The following CYP39A1 variants were observed in gnomAD, a reference collection of about 807,000 sequenced individuals.
The protein encoded by CYP39A1 is 24-hydroxycholesterol 7-alpha-hydroxylase.
CYP39A1 carries 49 observed loss-of-function variants against 58.1 expected under a neutral mutation model. The observed-to-expected ratio is 0.84, with a 90% CI of 0.67 to 1.07. The LOEUF is 1.07. CYP39A1 is among the 50% of genes least tolerant of loss of function. The probability of loss-of-function intolerance (pLI) is 0.00; values close to 1 mark genes in which losing one functional copy is unlikely to be tolerated. For synonymous variants in CYP39A1, 209 were observed against 187.6 expected (o/e 1.11, Z -0.93); for missense variants, 531 against 539.4 (o/e 0.98, Z 0.16).
At chr6:46,587,993 T>C in intron 9 of CYP39A1, 41 bp downstream of exon 9, 1 of 1,200,224 alleles carries the variant, frequency 8.3e-7, no homozygotes, top group Non-Finnish European at 1.2e-6. Context: ...TAAAAAGAAA[T>C]TAAAATGAAA....
chr6:46,627,775 C>T lies in CYP39A1; in HGVS notation c.841-2267G>A, dbSNP rs1348544013. On this transcript the variant is annotated intron_variant, in intron 6 of 11. Transcript: ENST00000275016. ...AAAATTTTTTCTATTTTTAAAAAAGCCAAAGTATTTTTAAAAGATAAAAAG... is the reference window on the plus strand; with the variant it reads ...AAAATTTTTTCTATTTTTAAAAAAGTCAAAGTATTTTTAAAAGATAAAAAG... 5.3e-5 allele frequency among the ~76,000 whole-genome samples: 8 copies of T among 151,628 alleles called. No homozygotes were observed. The East Asian group carries it at 1.5e-3, about 29-fold the overall frequency.
At chr6:46,566,834 T>C (rs1771313507) in intron 10 of CYP39A1, among the ~76,000 whole-genome samples, 1 of 149,358 alleles carries the variant, frequency 6.7e-6, no homozygotes, top group Admixed American at 6.7e-5. Flanking sequence ...AATGAGATGA[T>C]TATATATATA....
At chr6:46,647,123 T>A (rs1191920177) in intron 1 of CYP39A1, among the ~76,000 whole-genome samples, 2 of 152,102 alleles carry the variant, frequency 1.3e-5, no homozygotes, top group Admixed American at 1.3e-4. Flanking sequence ...TTCTTGAAAG[T>A]TTATCGATTT....
chr6:46,627,453 C>T (rs959589626), intron 6 of CYP39A1, among the ~76,000 whole-genome samples: 38 of 149,700 alleles, frequency 2.5e-4, no homozygotes, highest in Non-Finnish European at 4.3e-4. Flanking sequence ...GAGTCTCGCT[C>T]TGTTGCCTAG....
At chr6:46,596,492 C>T (rs1042358560) in intron 7 of CYP39A1, among the ~76,000 whole-genome samples, 11 of 152,000 alleles carry the variant, frequency 7.2e-5, no homozygotes, top group African/African-American at 2.7e-4. Context: ...AAAAGACTGA[C>T]ATCAAAAGCA....
intron 10 of CYP39A1, among the ~76,000 whole-genome samples, chr6:46,566,003 T>G (rs551013617): frequency 6.6e-6 from 1 of 152,288 alleles, no homozygotes; most frequent in East Asian, 1.9e-4. Flanking sequence ...GACAGCAAAC[T>G]CACTGATGCT....
intron 10 of CYP39A1, among the ~76,000 whole-genome samples, chr6:46,568,599 T>C (rs1385943008): frequency 6.6e-6 from 1 of 152,100 alleles, no homozygotes; most frequent in Non-Finnish European, 1.5e-5. Flanking sequence ...CTTCATTCTT[T>C]TGCATGTAAA....
intron 5 of CYP39A1, among the ~76,000 whole-genome samples, chr6:46,633,937 A>G (rs1775809172): frequency 6.6e-6 from 1 of 152,214 alleles, no homozygotes; most frequent in Non-Finnish European, 1.5e-5. Flanking sequence ...AGGAAAACAG[A>G]GACGCAATAC....
chr6:46,621,854 G>T (rs1160861833), intron 7 of CYP39A1, among the ~76,000 whole-genome samples: 2 of 151,850 alleles, frequency 1.3e-5, no homozygotes, highest in Admixed American at 6.6e-5. Context: ...TTTAAGAAAA[G>T]AAAATTATAA....
intron 10 of CYP39A1, among the ~76,000 whole-genome samples, chr6:46,564,031 G>T (rs1371925337): frequency 2.0e-5 from 3 of 152,110 alleles, no homozygotes; most frequent in Non-Finnish European, 4.4e-5. Context: ...CAGTCAGGGA[G>T]AAGGGTTAGG....
intron 7 of CYP39A1, among the ~76,000 whole-genome samples, chr6:46,616,060 T>A (rs1302674075): frequency 8.0e-6 from 1 of 125,286 alleles, no homozygotes; most frequent in Non-Finnish European, 1.7e-5. Context: ...TCTTTTCTTT[T>A]CTCTCTCTTT....
chr6:46,575,501 G>A (rs1330375704), intron 10 of CYP39A1, among the ~76,000 whole-genome samples: 2 of 152,216 alleles, frequency 1.3e-5, no homozygotes, highest in Non-Finnish European at 2.9e-5. Flanking sequence ...TTCACTGGCA[G>A]ATGCTGCATA....
intron 3 of CYP39A1, 48 bp from the exon 4 acceptor site, chr6:46,638,026 G>A (rs1776100415): frequency 6.4e-7 from 1 of 1,554,704 alleles, no homozygotes; most frequent in Non-Finnish European, 8.7e-7. Flanking sequence ...GACCAAAGAA[G>A]AAAGGCAAAG....
intron 10 of CYP39A1, among the ~76,000 whole-genome samples, chr6:46,554,354 TACC>T (rs1770562354): frequency 6.6e-6 from 1 of 152,176 alleles, no homozygotes; most frequent in African/African-American, 2.4e-5. Flanking sequence ...TGGACAGTCC[TACC>T]TAAGTCTAGA....
chr6:46,561,372 C>T (rs1222226238), intron 10 of CYP39A1, among the ~76,000 whole-genome samples: 1 of 152,070 alleles, frequency 6.6e-6, no homozygotes, highest in Non-Finnish European at 1.5e-5. Context: ...CTCTCAAGTC[C>T]CTAGAGGCAC....
chr6:46,584,325 C>T (rs1290852480), intron 10 of CYP39A1, among the ~76,000 whole-genome samples: 1 of 152,030 alleles, frequency 6.6e-6, no homozygotes, highest in East Asian at 1.9e-4. Context: ...TATATTTTGA[C>T]ACACTCTACT....
At chr6:46,571,122 A>G (rs1000605860) in intron 10 of CYP39A1, among the ~76,000 whole-genome samples, 1 of 152,268 alleles carries the variant, frequency 6.6e-6, no homozygotes, top group Non-Finnish European at 1.5e-5. Context: ...TAAATTTTTT[A>G]TGGTCTACTA....
chr6:46,633,215 T>C (rs1775765779), intron 5 of CYP39A1, among the ~76,000 whole-genome samples: 1 of 152,190 alleles, frequency 6.6e-6, no homozygotes, highest in Admixed American at 6.5e-5. Flanking sequence ...AGTTTAGATA[T>C]GAATTTCATT....
At chr6:46,637,635 C>A (rs1776069726) in intron 4 of CYP39A1, among the ~76,000 whole-genome samples, 194 bp downstream of exon 4, 1 of 152,158 alleles carries the variant, frequency 6.6e-6, no homozygotes, top group Non-Finnish European at 1.5e-5. Context: ...TTTTGTTCAT[C>A]ACAATAAGAA....
Sources: gnomAD v4.1 joint callset for allele counts (sites outside exome capture counted in the v4.1 genomes callset) on GRCh38, gnomAD v4.1.1 for gene constraint, MANE v1.5 for transcripts, NCBI Gene and HGNC (gene_info 2026-07-23, HGNC 2026-07-21) for gene names.